Variants in HCRTR2 observed in about 807,000 individuals in gnomAD.
HCRTR2 encodes the protein orexin receptor type 2.
Under a neutral mutation model 49.0 loss-of-function variants are expected in HCRTR2, and 22 were observed. The ratio of observed to expected loss-of-function variants is 0.45; its 90% CI spans 0.32 to 0.64. The LOEUF is 0.64. HCRTR2 is among the 30% of genes least tolerant of loss of function. The pLI is 0.04. For missense variants in HCRTR2, 491 were observed against 559.4 expected (o/e 0.88, Z 1.23); for synonymous variants, 236 against 205.3 (o/e 1.15, Z -1.28).
At chr6:55,212,953 G>T (rs552159624) in intron 1 of HCRTR2, among the ~76,000 whole-genome samples, 1 of 152,260 alleles carries the variant, frequency 6.6e-6, no homozygotes, top group East Asian at 1.9e-4. Context: ...GTCCATTGGG[G>T]ATAACTTCCA....
At chr6:55,195,521 C>T (rs933719950) in intron 1 of HCRTR2, among the ~76,000 whole-genome samples, 2 of 152,148 alleles carry the variant, frequency 1.3e-5, no homozygotes, top group Non-Finnish European at 2.9e-5. Context: ...GGCTGCACAA[C>T]AGAGTGGCTA....
intron 1 of HCRTR2, among the ~76,000 whole-genome samples, chr6:55,129,990 T>G (rs1764332013): frequency 6.6e-6 from 1 of 151,956 alleles, no homozygotes. Context: ...CACCAGTGAG[T>G]TTCACACCAT....
At chr6:55,221,671 G>C (rs1440677111) in intron 1 of HCRTR2, among the ~76,000 whole-genome samples, 2 of 152,092 alleles carry the variant, frequency 1.3e-5, no homozygotes, top group East Asian at 3.9e-4. Context: ...AAATTAGCCG[G>C]GCGTGGTGGT....
At chr6:55,219,596 T>C (rs979287671) in intron 1 of HCRTR2, among the ~76,000 whole-genome samples, 2 of 151,882 alleles carry the variant, frequency 1.3e-5, no homozygotes, top group African/African-American at 4.8e-5. Flanking sequence ...AGTGACTACA[T>C]TATAAAAGAA....
rs546099721 is a variant in HCRTR2 at position 55,207,935 on chromosome 6, C to T, written c.223+33125C>T. Among the ~76,000 whole-genome samples, 36 of 152,216 alleles carry T rather than the reference C, an allele frequency of 2.4e-4. 1 individual carries two copies. Among genetic ancestry groups the T allele is most frequent in the Admixed American group, 1.1e-3 (17 of 15,284 alleles). ...AGATAGAGGAACAGTTTGTAGTATC[C>T]GTGATCCTAGAACAAATTTAGCTTT... On this transcript the variant is annotated intron_variant, in intron 1 of 6. Transcript: ENST00000370862.
At chr6:55,129,528 T>A (rs1764325394) in intron 1 of HCRTR2, among the ~76,000 whole-genome samples, 1 of 152,110 alleles carries the variant, frequency 6.6e-6, no homozygotes, top group Admixed American at 6.6e-5. Context: ...AATGGCAGTA[T>A]TAGTCATAAA....
At chr6:55,119,735 T>A (rs1487703487) in intron 1 of HCRTR2, among the ~76,000 whole-genome samples, 1 of 152,030 alleles carries the variant, frequency 6.6e-6, no homozygotes, top group Non-Finnish European at 1.5e-5. Context: ...TTCACTCTGA[T>A]GATAGTTTAT....
At chr6:55,264,059 A>C (rs1371957318) in intron 4 of HCRTR2, 1 of 457,700 alleles carries the variant, frequency 2.2e-6, no homozygotes, top group Non-Finnish European at 3.9e-6. Flanking sequence ...ATATTCAGGA[A>C]ATGTATTTTA....
At position 55,223,029 on chromosome 6, in the gene HCRTR2, A is replaced by C. The variant is rs142352713; in HGVS notation, c.224-25610A>C. On this transcript the variant is annotated intron_variant, in intron 1 of 6. Transcript: ENST00000370862. ...AAAATTAAAAAACGAGAAACAGTAG[A>C]GTTTACTTAATTTGTTAATATATCC... is the stretch of plus-strand genomic sequence containing the variant. 4.5e-3 allele frequency among the ~76,000 whole-genome samples: 684 copies of C among 152,308 alleles called. 3 individuals carry two copies. The highest frequency in any genetic ancestry group is 0.015 in the African/African-American group (631 of 41,574).
chr6:55,167,137 A>G (rs1764888587), intron 1 of HCRTR2, among the ~76,000 whole-genome samples: 2 of 152,126 alleles, frequency 1.3e-5, no homozygotes, highest in South Asian at 4.1e-4. Flanking sequence ...AATGGTTAAA[A>G]CATTACTGTT....
rs1025121034 is a variant in HCRTR2, at chr6:55,140,072, A to T, written c.-378+33527A>T. 1.4e-4 allele frequency among the ~76,000 whole-genome samples: 22 copies of T among 152,304 alleles called. No individual in the cohort carries two copies. In the Middle Eastern group the frequency reaches 0.01, roughly 71 times the overall value. ...ATGAACACACCCATGCATAGTGGAT[A>T]TTATTCCTGGGCACCCTGACCTCTT... On this transcript the variant is annotated intron_variant, in intron 1 of 7. Coordinates refer to the HCRTR2 transcript ENST00000615358.
chr6:55,224,486 G>C (rs554026733), intron 1 of HCRTR2, among the ~76,000 whole-genome samples: 1 of 152,200 alleles, frequency 6.6e-6, no homozygotes, highest in South Asian at 2.1e-4. Context: ...AGCCGGGCAT[G>C]GTGGTGGGCG....
At chr6:55,240,947 C>CTT (rs72298633) in intron 1 of HCRTR2, 28 of 173,116 alleles carry the variant, frequency 1.6e-4, no homozygotes, top group South Asian at 4.8e-4. Context: ...TTTTATCCTT[C>CTT]TTTTTTTTTG....
chr6:55,241,861 ATT>A (rs917427627), intron 1 of HCRTR2, among the ~76,000 whole-genome samples: 20 of 92,518 alleles, frequency 2.2e-4, no homozygotes, highest in African/African-American at 4.4e-4. Flanking sequence ...ATGGCAACTA[ATT>A]TTTTTTTTTT....
intron 1 of HCRTR2, among the ~76,000 whole-genome samples, chr6:55,152,507 C>A (rs151046590): frequency 2.3e-3 from 354 of 151,814 alleles, no homozygotes; most frequent in Non-Finnish European, 4.0e-3. Context: ...ATATACGGTG[C>A]CTTAGTAAGT....
intron 1 of HCRTR2, among the ~76,000 whole-genome samples, chr6:55,137,562 T>A (rs62416457): frequency 0.02 from 3,033 of 152,296 alleles, 40 homozygotes; most frequent in East Asian, 0.056. Flanking sequence ...TTAATCAGTA[T>A]TGCCTTGAAC....
chr6:55,246,697 C>T (rs757956283), intron 1 of HCRTR2, among the ~76,000 whole-genome samples: 3 of 152,014 alleles, frequency 2.0e-5, no homozygotes, highest in Non-Finnish European at 4.4e-5. Flanking sequence ...TACTCTAGTA[C>T]TTAATTTTTC....
intron 1 of HCRTR2, among the ~76,000 whole-genome samples, chr6:55,165,095 A>C (rs766736170): frequency 3.9e-5 from 6 of 152,146 alleles, no homozygotes; most frequent in Non-Finnish European, 8.8e-5. Flanking sequence ...ATTTGAAAAC[A>C]CTCTATTTGA....
At chr6:55,239,772 A>ATTTTTT (rs35160150) in intron 1 of HCRTR2, among the ~76,000 whole-genome samples, 3 of 121,348 alleles carry the variant, frequency 2.5e-5, no homozygotes, top group African/African-American at 6.6e-5. Flanking sequence ...TAGGCGGTAA[A>ATTTTTT]TTTTTTTTTT....
Sources: allele counts gnomAD v4.1 joint callset (sites outside exome capture counted in the v4.1 genomes callset), GRCh38; gene constraint gnomAD v4.1.1; transcripts MANE v1.5; gene names NCBI Gene and HGNC (gene_info 2026-07-23, HGNC 2026-07-21).